The following DDX52 variants were observed in gnomAD, a reference collection of about 807,000 sequenced individuals.
DDX52 encodes the protein DExD-box helicase 52, also known as probable ATP-dependent RNA helicase DDX52.
In DDX52, 59 loss-of-function variants were observed where a neutral mutation model predicts 76.1. That is an observed-to-expected ratio of 0.78 (90% CI 0.63 to 0.96). The LOEUF is 0.96. Among genes scored for constraint, DDX52 ranks in the 40% least tolerant of loss-of-function variants. The probability of loss-of-function intolerance (pLI) is 0.00; values close to 1 mark genes in which losing one functional copy is unlikely to be tolerated. For synonymous variants in DDX52, 231 were observed against 244.1 expected (o/e 0.95, Z 0.50); for missense variants, 707 against 703.9 (o/e 1.00, Z -0.05).
rs1380907669 is a variant in DDX52, at chr17:37,642,023, T to C, written c.286+87A>G. On this transcript the variant is annotated intron_variant, in intron 2 of 14. Transcript: ENST00000617633. Reference sequence around the variant, plus strand: ...TGCCATCAGCTGACAAATGACCTTATTGTCTGACTTGTAGCCATAAGCCTG... The same window carrying C: ...TGCCATCAGCTGACAAATGACCTTACTGTCTGACTTGTAGCCATAAGCCTG... The C allele has an allele frequency of 5.9e-6, 9 of 1,533,764 alleles. No individual in the cohort carries two copies. The South Asian group carries it at 6.0e-5, about 10-fold the overall frequency.
chr17:37,635,597 T>A, intron 2 of DDX52: 1 of 455,990 alleles, frequency 2.2e-6, no homozygotes, highest in Non-Finnish European at 4.4e-6. Context: ...GTACAGTTCA[T>A]CATTCACCTG....
chr17:37,619,899 TA>T, intron 12 of DDX52, 60 bp from the exon 13 acceptor site: 2 of 1,550,210 alleles, frequency 1.3e-6, no homozygotes, highest in Non-Finnish European at 1.8e-6. Flanking sequence ...TTTATGAATG[TA>T]AACCCTCTGC....
At chr17:37,619,252 A>C (rs563049253) in intron 13 of DDX52, among the ~76,000 whole-genome samples, 21 of 152,198 alleles carry the variant, frequency 1.4e-4, no homozygotes, top group African/African-American at 5.1e-4. Flanking sequence ...GGTGGCGCAC[A>C]CCTGTAATTC....
Position 37,614,258 on chromosome 17 carries a change from A to G in DDX52, c.*38T>C, listed in dbSNP as rs756825321. 43 of 1,594,646 alleles carry G rather than the reference A, an allele frequency of 2.7e-5. No individual in the cohort carries two copies. The highest frequency in any genetic ancestry group is 4.1e-5 in the African/African-American group (3 of 73,982). The stretch of plus-strand genomic sequence containing the variant: ...AAATAACATTCATGCTGGGATCATA[A>G]AATTACATTTCTGGGACAGTATTTT... On this transcript the variant is annotated 3_prime_UTR_variant, in exon 15 of 15. Coordinates refer to ENST00000617633, the MANE Select transcript of DDX52 (RefSeq NM_007010.5).
intron 3 of DDX52, 144 bp downstream of exon 3, chr17:37,633,144 T>C (rs2030758784): frequency 1.1e-6 from 1 of 947,858 alleles, no homozygotes; most frequent in Admixed American, 3.8e-5. Flanking sequence ...TAAGTTTTCA[T>C]TAAAGTAAAA....
chr17:37,632,369 C>T, intron 3 of DDX52, 71 bp from the exon 4 acceptor site: 1 of 1,551,660 alleles, frequency 6.4e-7, no homozygotes. Context: ...TATAAAGCAA[C>T]ATTAACAGTT....
intron 2 of DDX52, chr17:37,635,421 A>G: frequency 3.0e-6 from 1 of 337,026 alleles, no homozygotes; most frequent in South Asian, 2.4e-5. Flanking sequence ...GCCACTATAG[A>G]CTAGTTTGCC....
chr17:37,634,657 A>G (rs2030847022), intron 2 of DDX52, among the ~76,000 whole-genome samples: 1 of 152,094 alleles, frequency 6.6e-6, no homozygotes, highest in South Asian at 2.1e-4. Context: ...AATGAACATA[A>G]CACAATACTT....
chr17:37,621,377 A>G, intron 10 of DDX52, 21 bp downstream of exon 10: 2 of 1,602,944 alleles, frequency 1.2e-6, no homozygotes. Context: ...TCTGAGTTTC[A>G]AAGTATATAT....
chr17:37,625,972 A>C lies in DDX52; in HGVS notation c.1059T>G (p.Ser353Arg). Residue 353 changes from serine to arginine, a missense_variant, in exon 8 of 15, where the codon AGT (serine) becomes AGG (arginine). Ser to Arg is a moderately radical substitution (Grantham distance 110). Transcript: ENST00000617633. ...GTTCAACATCATATGCAAAAGTTGC[A>C]CTGAACATAGCTCTTCGGACCTTGT... ...TSHKVRRAMFSATFAYDVEQW... is the reference protein window; with the variant it reads ...TSHKVRRAMFRATFAYDVEQW... 1 of 1,614,212 alleles carries C rather than the reference A, an allele frequency of 6.2e-7. No individual in the cohort carries two copies. Among genetic ancestry groups the C allele is most frequent in the Non-Finnish European group, 8.5e-7 (1 of 1,180,030 alleles).
chr17:37,622,605 C>A (rs1269445754), intron 9 of DDX52, among the ~76,000 whole-genome samples: 2 of 152,082 alleles, frequency 1.3e-5, no homozygotes, highest in Admixed American at 6.6e-5. Flanking sequence ...AGTTTCTTAG[C>A]CTTTTTATGA....
Position 37,614,244 on chromosome 17 carries a change from A to T in DDX52, c.*52T>A, listed in dbSNP as rs2064399221. 1 of 1,571,584 alleles carries T rather than the reference A, an allele frequency of 6.4e-7. No individual in the cohort carries two copies. The highest frequency in any genetic ancestry group is 1.8e-4 in the Middle Eastern group (1 of 5,614). On this transcript the variant is annotated 3_prime_UTR_variant, in exon 15 of 15. Coordinates refer to ENST00000617633, the MANE Select transcript of DDX52 (RefSeq NM_007010.5). ...CAAGTATTCCATGAAAATAACATTC[A>T]TGCTGGGATCATAAAATTACATTTC...
intron 14 of DDX52, among the ~76,000 whole-genome samples, chr17:37,617,786 A>G (rs1462762032): frequency 6.6e-6 from 1 of 152,212 alleles, no homozygotes; most frequent in East Asian, 1.9e-4. Context: ...CAAGACGGAA[A>G]AAAACAGATC....
At position 37,621,510 on chromosome 17, in the gene DDX52, G is replaced by A. The variant is rs1285215112; in HGVS notation, c.1238C>T (p.Pro413Leu). 1.9e-6 allele frequency: 3 copies of A among 1,609,986 alleles called. No individual in the cohort carries two copies. The highest frequency in any genetic ancestry group is 1.3e-5 in the African/African-American group (1 of 74,864). Residue 413 changes from proline (P) to leucine (L), a missense_variant, in exon 10 of 15, where the codon CCA (proline) becomes CTA (leucine). Physicochemically the swap from Pro to Leu is moderately conservative, Grantham distance 98. Transcript: ENST00000617633. ...GGACTGAACAAAAACAAGAACAGGT[G>A]GATTGAAACCCTAAAAGAAGACAAA... ...VRELVKKGFN[P>L]PVLVFVQSIE...
In DDX52 at chr17:37,637,292, C is replaced by T. The variant is rs993514190; in HGVS notation, c.287-3874G>A. Among the ~76,000 whole-genome samples, 19 of 151,880 alleles carry T rather than the reference C, an allele frequency of 1.3e-4. No homozygotes were observed. The East Asian group carries it at 2.9e-3, about 23-fold the overall frequency. ...GATTACAGGCATGCGCCACCACGTC[C>T]GGCTAATTTTGTATTTTTAGTAGAG... On this transcript the variant is annotated intron_variant, in intron 2 of 14. Transcript: ENST00000617633.
Position 37,630,182 on chromosome 17 carries a change from A to G in DDX52, c.604-9T>C, listed in dbSNP as rs370045887. On this transcript the variant is annotated splice_polypyrimidine_tract_variant and intron_variant, in intron 4 of 14. Coordinates refer to ENST00000617633, the MANE Select transcript of DDX52 (RefSeq NM_007010.5). ...GCCAGAAGTTCCCGACCCTAAAAAC[A>G]TAGGGTATATTAAATACTACAAAGA... is the stretch of plus-strand genomic sequence containing the variant. 6.2e-6 allele frequency: 10 copies of G among 1,600,302 alleles called. No homozygotes were observed. The highest frequency in any genetic ancestry group is 1.8e-5 in the Admixed American group (1 of 55,892).
intron 1 of DDX52, chr17:37,643,017 T>A: frequency 3.8e-6 from 1 of 260,110 alleles, no homozygotes; most frequent in Admixed American, 5.3e-5. Flanking sequence ...GTTTTCGAAA[T>A]TCCTTTCCTC....
At chr17:37,621,334 T>C in intron 10 of DDX52, 57 bp from the exon 11 acceptor site, 1 of 1,593,972 alleles carries the variant, frequency 6.3e-7, no homozygotes, top group African/African-American at 1.4e-5. Flanking sequence ...ACTTCATAAA[T>C]TTAATGTCAA....
chr17:37,638,872 C>T (rs987502984), intron 2 of DDX52, among the ~76,000 whole-genome samples: 2 of 150,708 alleles, frequency 1.3e-5, no homozygotes, highest in African/African-American at 2.4e-5. Context: ...TGGGTTCAAG[C>T]GATTTTCCTG....
Sources: allele counts gnomAD v4.1 joint callset (sites outside exome capture counted in the v4.1 genomes callset), GRCh38; gene constraint gnomAD v4.1.1; transcripts MANE v1.5; gene names NCBI Gene and HGNC (gene_info 2026-07-23, HGNC 2026-07-21).